IMMP2L: variants seen among roughly 807,000 people sequenced by gnomAD.
IMMP2L encodes the protein inner mitochondrial membrane peptidase subunit 2.
Under a neutral mutation model 19.3 loss-of-function variants are expected in IMMP2L, and 18 were observed. That is an observed-to-expected ratio of 0.93 (90% CI 0.64 to 1.38). The LOEUF is 1.38. Ranked by LOEUF, IMMP2L falls within the 40% of genes most tolerant of loss-of-function variation. The pLI is 0.00. For missense variants in IMMP2L, 233 were observed against 218.2 expected (o/e 1.07, Z -0.43); for synonymous variants, 76 against 73.0 (o/e 1.04, Z -0.21).
chr7:110,943,522 T>G (rs1816940196), intron 4 of IMMP2L, among the ~76,000 whole-genome samples: 1 of 151,874 alleles, frequency 6.6e-6, no homozygotes, highest in African/African-American at 2.4e-5. Flanking sequence ...ACATGCCACT[T>G]TTGAGTAGAA....
intron 3 of IMMP2L, among the ~76,000 whole-genome samples, chr7:110,980,102 A>G (rs927399740): frequency 1.3e-5 from 2 of 149,586 alleles, no homozygotes; most frequent in Non-Finnish European, 3.0e-5. Context: ...CATTTCGGAA[A>G]TTTATGGTTC....
At chr7:111,534,225 A>C (rs896004319) in intron 1 of IMMP2L, among the ~76,000 whole-genome samples, 11 of 152,150 alleles carry the variant, frequency 7.2e-5, no homozygotes, top group Non-Finnish European at 1.5e-5. Context: ...GATATTCAAC[A>C]TACCATTTTT....
At chr7:111,492,277 A>G (rs886649234) in intron 2 of IMMP2L, 7 of 427,056 alleles carry the variant, frequency 1.6e-5, no homozygotes, top group Non-Finnish European at 2.2e-5. Context: ...CAAGGTCAAA[A>G]CAAAGATCCT....
intron 4 of IMMP2L, among the ~76,000 whole-genome samples, chr7:110,897,340 A>G (rs563224757): frequency 3.3e-5 from 5 of 152,288 alleles, no homozygotes; most frequent in African/African-American, 1.2e-4. Context: ...TGGATAAAAG[A>G]TACAAATAGG....
At chr7:110,747,470 C>T (rs904382549) in intron 5 of IMMP2L, among the ~76,000 whole-genome samples, 2 of 152,170 alleles carry the variant, frequency 1.3e-5, no homozygotes, top group Non-Finnish European at 2.9e-5. Context: ...GGCCAATATT[C>T]CTGATGAACA....
intron 3 of IMMP2L, among the ~76,000 whole-genome samples, chr7:110,991,308 A>G (rs1198007033): frequency 6.6e-6 from 1 of 152,272 alleles, no homozygotes; most frequent in East Asian, 1.9e-4. Flanking sequence ...CTTACTCTAA[A>G]TGTTTATATT....
At chr7:110,875,123 A>C (rs951975143) in intron 5 of IMMP2L, among the ~76,000 whole-genome samples, 10 of 152,174 alleles carry the variant, frequency 6.6e-5, no homozygotes, top group African/African-American at 2.2e-4. Context: ...TACTACTTGA[A>C]AAAATATAAC....
chr7:111,257,886 C>T (rs1423411656), intron 3 of IMMP2L, among the ~76,000 whole-genome samples: 3 of 151,870 alleles, frequency 2.0e-5, no homozygotes, highest in African/African-American at 7.3e-5. Context: ...CACCCAGCAA[C>T]TCGTAATTTA....
intron 3 of IMMP2L, among the ~76,000 whole-genome samples, chr7:111,434,710 T>G (rs967972016): frequency 6.6e-6 from 1 of 151,668 alleles, no homozygotes; most frequent in Non-Finnish European, 1.5e-5. Flanking sequence ...CCTTCCACCA[T>G]GCCCAGCTAA....
At chr7:111,225,799 T>G (rs1344628200) in intron 3 of IMMP2L, among the ~76,000 whole-genome samples, 9 of 151,384 alleles carry the variant, frequency 5.9e-5, no homozygotes, top group Non-Finnish European at 1.3e-4. Context: ...CACATTACAA[T>G]ACATATTCTG....
intron 1 of IMMP2L, among the ~76,000 whole-genome samples, chr7:111,523,609 T>C (rs1227400725): frequency 6.6e-6 from 1 of 152,096 alleles, no homozygotes; most frequent in Non-Finnish European, 1.5e-5. Flanking sequence ...TCAACATATA[T>C]TGCACATAAC....
At chr7:110,963,707 C>T (rs544937568) in intron 3 of IMMP2L, 142 bp from the exon 4 acceptor site, 20 of 429,232 alleles carry the variant, frequency 4.7e-5, no homozygotes, top group South Asian at 4.6e-4. Flanking sequence ...AGTCTCACTT[C>T]GGTTCCAAGT....
intron 5 of IMMP2L, among the ~76,000 whole-genome samples, chr7:110,884,341 A>G (rs1054059770): frequency 2.0e-5 from 3 of 152,048 alleles, no homozygotes; most frequent in Non-Finnish European, 4.4e-5. Flanking sequence ...CTAAGCAACT[A>G]TAAAGCAACA....
intron 3 of IMMP2L, among the ~76,000 whole-genome samples, chr7:111,290,827 AACACACACACACACAC>A (rs541375499): frequency 7.4e-6 from 1 of 135,016 alleles, no homozygotes; most frequent in Non-Finnish European, 1.6e-5. Flanking sequence ...TATATATACA[AACACACACACACACAC>A]ACACACACAC....
chr7:111,278,233 T>C (rs957486126), intron 3 of IMMP2L, among the ~76,000 whole-genome samples: 1 of 152,184 alleles, frequency 6.6e-6, no homozygotes, highest in African/African-American at 2.4e-5. Context: ...AAACAAATAA[T>C]TTCTTTGAAA....
chr7:111,215,480 T>C (rs1811837103), intron 3 of IMMP2L, among the ~76,000 whole-genome samples: 3 of 152,188 alleles, frequency 2.0e-5, no homozygotes, highest in Admixed American at 1.3e-4. Flanking sequence ...TAGCTACTTT[T>C]ATATTACAAG....
At chr7:110,700,366 A>T (rs62463976) in intron 5 of IMMP2L, among the ~76,000 whole-genome samples, 30,453 of 152,062 alleles carry the variant, frequency 0.2, 3,432 homozygotes, top group Non-Finnish European at 0.26. Flanking sequence ...TTTCTTTCAA[A>T]GCACCACTAC....
At chr7:110,970,586 T>C (rs187279087) in intron 3 of IMMP2L, among the ~76,000 whole-genome samples, 141 of 152,254 alleles carry the variant, frequency 9.3e-4, no homozygotes, top group Admixed American at 2.7e-3. Flanking sequence ...AAGTTGAACA[T>C]ATCTGTGGAA....
chr7:111,180,388 C>T (rs961730054), intron 3 of IMMP2L, among the ~76,000 whole-genome samples: 9 of 151,922 alleles, frequency 5.9e-5, no homozygotes, highest in South Asian at 2.1e-4. Flanking sequence ...AAAAGAGATC[C>T]GGAACCTGCC....
Sources: allele counts gnomAD v4.1 joint callset (sites outside exome capture counted in the v4.1 genomes callset), GRCh38; gene constraint gnomAD v4.1.1; transcripts MANE v1.5; gene names NCBI Gene and HGNC (gene_info 2026-07-23, HGNC 2026-07-21).